WFDC8: variants seen among roughly 807,000 people sequenced by gnomAD.
WFDC8 encodes WAP four-disulfide core domain protein 8.
In WFDC8, 24 loss-of-function variants were observed where a neutral mutation model predicts 27.0. That is an observed-to-expected ratio of 0.89 (90% confidence interval 0.64 to 1.25). WFDC8 has a LOEUF of 1.25. Among genes scored for constraint, WFDC8 ranks in the 50% most tolerant of loss-of-function variants. The pLI, the probability that WFDC8 is intolerant of heterozygous loss-of-function variation, is 0.00. For synonymous variants in WFDC8, 106 were observed against 99.7 expected (o/e 1.06, Z -0.38); for missense variants, 287 against 295.9 (o/e 0.97, Z 0.22).
intron 1 of WFDC8, among the ~76,000 whole-genome samples, chr20:45,565,327 G>A (rs1481270685): frequency 6.6e-6 from 1 of 152,140 alleles, no homozygotes; most frequent in Non-Finnish European, 1.5e-5. Context: ...GCTTGTTCAG[G>A]CTGGGGTACC....
intron 1 of WFDC8, among the ~76,000 whole-genome samples, chr20:45,573,878 T>A (rs62207162): frequency 0.33 from 50,899 of 152,070 alleles, 9,367 homozygotes; most frequent in Non-Finnish European, 0.42. Context: ...TTGGTCAATG[T>A]ATCTGTTTCT....
intron 1 of WFDC8, chr20:45,568,775 A>G: frequency 2.2e-6 from 1 of 456,122 alleles, no homozygotes; most frequent in South Asian, 1.7e-5. Flanking sequence ...ACTCTCGATA[A>G]TTACAAAACA....
At chr20:45,555,895 G>T (rs750885112) in intron 3 of WFDC8, 27 bp from the exon 4 acceptor site, 1 of 1,608,150 alleles carries the variant, frequency 6.2e-7, no homozygotes, top group Non-Finnish European at 8.5e-7. Context: ...AGGAAAGAAG[G>T]ATATGAAGAG....
chr20:45,553,027 A>G, intron 5 of WFDC8, 109 bp downstream of exon 5: 1 of 1,351,010 alleles, frequency 7.4e-7, no homozygotes. Flanking sequence ...ATCCTCAAAG[A>G]TGAGCCCAAG....
At chr20:45,574,209 G>A (rs567879215) in intron 1 of WFDC8, among the ~76,000 whole-genome samples, 82 of 152,116 alleles carry the variant, frequency 5.4e-4, no homozygotes, top group African/African-American at 1.9e-3. Context: ...AGATTTAATT[G>A]GTAATTAAAA....
Position 45,558,395 on chromosome 20 carries a change from T to G in WFDC8, c.277+457A>C, listed in dbSNP as rs189247217. On this transcript the variant is annotated intron_variant, in intron 3 of 5. Coordinates refer to ENST00000289953, the MANE Select transcript of WFDC8 (RefSeq NM_130896.3). ...TCAAAGGGCATTAACAACAGATATT[T>G]GTTGAATGAATAAATGTATGAGTGA... Among the ~76,000 whole-genome samples the G allele has an allele frequency of 2.7e-4, 41 of 152,360 alleles. No individual in the cohort carries two copies. The East Asian group carries it at 7.9e-3, about 29-fold the overall frequency.
chr20:45,570,571 T>G (rs1453628156), intron 1 of WFDC8, among the ~76,000 whole-genome samples: 2 of 152,196 alleles, frequency 1.3e-5, no homozygotes, highest in African/African-American at 2.4e-5. Context: ...TCATGGAAAT[T>G]TGGGTTATTT....
At position 45,562,259 on chromosome 20, in the gene WFDC8, C is replaced by T. The variant is rs775795492; in HGVS notation, c.27-40G>A. The T allele has an allele frequency of 2.0e-6, 3 of 1,536,620 alleles. No individual in the cohort carries two copies. In the African/African-American group the frequency reaches 4.1e-5, roughly 21 times the overall value. ...AGAGAGGTGGGAGTTAAGCACAATC[C>T]AGAGAGAGACACAAAGTGTGTGCAG... On this transcript the variant is annotated intron_variant, in intron 1 of 5. Transcript: ENST00000289953.
intron 3 of WFDC8, among the ~76,000 whole-genome samples, chr20:45,557,849 C>T (rs991834128): frequency 6.6e-6 from 1 of 152,156 alleles, no homozygotes; most frequent in Non-Finnish European, 1.5e-5. Flanking sequence ...GAATGAAATA[C>T]CAAGGAAGAA....
chr20:45,566,994 G>GTAGT (rs1980702129), intron 1 of WFDC8, among the ~76,000 whole-genome samples: 1 of 152,080 alleles, frequency 6.6e-6, no homozygotes, highest in African/African-American at 2.4e-5. Context: ...TGCTATGCAA[G>GTAGT]TAGTTGTTAT....
chr20:45,562,653 G>T (rs73908128), intron 1 of WFDC8, among the ~76,000 whole-genome samples: 2,745 of 152,262 alleles, frequency 0.018, 77 homozygotes, highest in African/African-American at 0.056. Context: ...GAGGGCCTGG[G>T]CACACTCTAC....
chr20:45,555,879 G>C lies in WFDC8; in HGVS notation c.278-11C>G. Reference sequence around the variant, plus strand: ...GTAGCATGCAGGGTTCTGAGGTCAGGAAGCAAGGAAAGAAGGATATGAAGA... The same window carrying C: ...GTAGCATGCAGGGTTCTGAGGTCAGCAAGCAAGGAAAGAAGGATATGAAGA... On this transcript the variant is annotated splice_polypyrimidine_tract_variant and intron_variant, in intron 3 of 5. Coordinates refer to ENST00000289953, the MANE Select transcript of WFDC8 (RefSeq NM_130896.3). 6.2e-7 allele frequency: 1 copy of C among 1,612,506 alleles called. No individual in the cohort carries two copies. The highest frequency in any genetic ancestry group is 8.5e-7 in the Non-Finnish European group (1 of 1,178,768).
chr20:45,562,232 G>A lies in WFDC8; in HGVS notation c.27-13C>T, dbSNP rs1307008957. 1.2e-6 allele frequency: 2 copies of A among 1,607,288 alleles called. No homozygotes were observed. The highest frequency in any genetic ancestry group is 1.7e-6 in the Non-Finnish European group (2 of 1,173,926). On this transcript the variant is annotated splice_polypyrimidine_tract_variant and intron_variant, in intron 1 of 5. Coordinates refer to ENST00000289953, the MANE Select transcript of WFDC8 (RefSeq NM_130896.3). Reference sequence around the variant, plus strand: ...GAGAGGAAAGTGCCTGTATGGATGAGAAGAGAGGTGGGAGTTAAGCACAAT... The same window carrying A: ...GAGAGGAAAGTGCCTGTATGGATGAAAAGAGAGGTGGGAGTTAAGCACAAT...
chr20:45,559,089 C>G (rs1980375518), intron 2 of WFDC8, 97 bp from the exon 3 acceptor site: 2 of 1,475,482 alleles, frequency 1.4e-6, no homozygotes, highest in East Asian at 2.3e-5. Flanking sequence ...CAGCCCTATC[C>G]TCTACCTTCG....
intron 2 of WFDC8, among the ~76,000 whole-genome samples, chr20:45,559,375 A>G (rs1032469394): frequency 6.6e-6 from 1 of 152,226 alleles, no homozygotes; most frequent in African/African-American, 2.4e-5. Context: ...TCATGGAAGT[A>G]GAGGTCAGGA....
chr20:45,568,834 T>C (rs1980773440), intron 1 of WFDC8: 1 of 318,232 alleles, frequency 3.1e-6, no homozygotes, highest in Non-Finnish European at 6.5e-6. Flanking sequence ...CTCCAGATGC[T>C]GAAAATAGTC....
chr20:45,555,636 TA>T, intron 4 of WFDC8, 64 bp downstream of exon 4: 2 of 1,575,864 alleles, frequency 1.3e-6, no homozygotes, highest in Non-Finnish European at 1.7e-6. Context: ...CCTGAGCCTA[TA>T]ACCTCATTGG....
At chr20:45,574,304 T>C (rs2145577926) in intron 1 of WFDC8, among the ~76,000 whole-genome samples, 1 of 152,234 alleles carries the variant, frequency 6.6e-6, no homozygotes, top group South Asian at 2.1e-4. Flanking sequence ...CTAATCCTCC[T>C]CAAATGCTTC....
intron 1 of WFDC8, among the ~76,000 whole-genome samples, chr20:45,564,617 T>G (rs938017967): frequency 1.3e-5 from 2 of 148,562 alleles, no homozygotes; most frequent in African/African-American, 2.5e-5. Flanking sequence ...GAGCTTTCAG[T>G]GAGCCGAGAT....
Sources: gnomAD v4.1 joint callset for allele counts (sites outside exome capture counted in the v4.1 genomes callset) on GRCh38, gnomAD v4.1.1 for gene constraint, MANE v1.5 for transcripts, NCBI Gene and HGNC (gene_info 2026-07-23, HGNC 2026-07-21) for gene names.